The following MYO1D variants were observed in gnomAD, a reference collection of about 807,000 sequenced individuals.
MYO1D encodes the protein unconventional myosin-Id.
MYO1D carries 83 observed loss-of-function variants against 122.0 expected under a neutral mutation model. The observed-to-expected ratio is 0.68, with a 90% CI of 0.57 to 0.82. The LOEUF (loss-of-function observed/expected upper bound fraction) is 0.82, where lower values mean the gene tolerates loss of function less well. Among genes scored for constraint, MYO1D ranks in the 40% least tolerant of loss-of-function variants. The pLI is 0.00. For missense variants in MYO1D, 1,157 were observed against 1,269.5 expected, an observed-to-expected ratio of 0.91 and a Z score of 1.35; for synonymous variants, 464 against 446.9, an observed-to-expected ratio of 1.04 and a Z score of -0.48.
At chr17:32,740,795 T>C (rs1238550278) in intron 13 of MYO1D, among the ~76,000 whole-genome samples, 5 of 152,092 alleles carry the variant, frequency 3.3e-5, no homozygotes, top group Non-Finnish European at 7.4e-5. Flanking sequence ...ATTAACAAAA[T>C]AGTTTTCAAC....
rs112508316 is a variant in MYO1D at position 32,599,391 on chromosome 17, A to G, written c.2864+5696T>C. 4.2e-3 allele frequency among the ~76,000 whole-genome samples: 633 copies of G among 152,272 alleles called. 9 individuals are homozygous for G. The highest frequency in any genetic ancestry group is 0.015 in the African/African-American group (614 of 41,544). On this transcript the variant is annotated intron_variant, in intron 21 of 21. Transcript: ENST00000318217. ...ATCTTCAGGCTCCACTTCCAATTCA[A>G]GTTCTCTTGCTATTTCTACCACATC...
intron 1 of MYO1D, among the ~76,000 whole-genome samples, chr17:32,868,460 T>C (rs1022174559): frequency 1.9e-4 from 29 of 152,050 alleles, no homozygotes; most frequent in African/African-American, 6.0e-4. Flanking sequence ...AATTCCCTAG[T>C]TTGCGCCATT....
Position 32,710,171 on chromosome 17 carries a change from A to AAT in MYO1D, c.2121+1815_2121+1816dup, listed in dbSNP as rs764289135. Among the ~76,000 whole-genome samples, 26 of 152,272 alleles carry AAT rather than the reference A, an allele frequency of 1.7e-4. No homozygotes were observed. The South Asian group carries it at 3.1e-3, about 18-fold the overall frequency. ...AGATAAACTAACCCTCTAACACACT[A>AAT]ATATATATAATAAAAGCTGTGTTGC... On this transcript the variant is annotated intron_variant, in intron 16 of 21. Transcript: ENST00000318217.
At chr17:32,756,305 T>C (rs1339146794) in intron 10 of MYO1D, 1 of 225,744 alleles carries the variant, frequency 4.4e-6, no homozygotes, top group Non-Finnish European at 8.8e-6. Flanking sequence ...AGTTGCCTTC[T>C]ACCTGCCAGT....
chr17:32,560,914 G>A (rs2087119280), intron 21 of MYO1D, among the ~76,000 whole-genome samples: 1 of 145,520 alleles, frequency 6.9e-6, no homozygotes, highest in African/African-American at 2.6e-5. Context: ...CACTATGCGT[G>A]GCTTTTTTTT....
At chr17:32,676,489 G>A (rs1401491218) in intron 16 of MYO1D, among the ~76,000 whole-genome samples, 6 of 151,476 alleles carry the variant, frequency 4.0e-5, no homozygotes, top group Admixed American at 3.3e-4. Flanking sequence ...TCCTGGCCAT[G>A]GTTACTGGTT....
intron 1 of MYO1D, among the ~76,000 whole-genome samples, chr17:32,838,316 T>C (rs1429125909): frequency 6.6e-6 from 1 of 152,230 alleles, no homozygotes; most frequent in Non-Finnish European, 1.5e-5. Flanking sequence ...AGATTTATGA[T>C]GCATACCTTA....
At chr17:32,831,682 A>G (rs2090772488) in intron 1 of MYO1D, among the ~76,000 whole-genome samples, 2 of 152,262 alleles carry the variant, frequency 1.3e-5, no homozygotes, top group Admixed American at 1.3e-4. Context: ...GTGTGCTGTT[A>G]AAACAATGTA....
rs547851722 is a variant in MYO1D, at chr17:32,756,690, C to G, written c.1297-1028G>C. ...TAAAAAGCTTCAATAGAATTTTGAA[C>G]AATTTGAAAAAATTCAGTAGAATTT... On this transcript the variant is annotated intron_variant, in intron 10 of 21. Transcript: ENST00000318217. Among the ~76,000 whole-genome samples the G allele has an allele frequency of 3.3e-5, 5 of 151,600 alleles. No homozygotes were observed. The South Asian group carries it at 1.0e-3, about 32-fold the overall frequency.
At chr17:32,874,296 C>CTG (rs1267817706) in intron 1 of MYO1D, among the ~76,000 whole-genome samples, 2 of 48,646 alleles carry the variant, frequency 4.1e-5, no homozygotes, top group South Asian at 5.0e-4. Flanking sequence ...CTTTATCTGT[C>CTG]TCTGTCTCTC....
intron 21 of MYO1D, among the ~76,000 whole-genome samples, chr17:32,502,074 T>C (rs1909335680): frequency 6.6e-6 from 1 of 152,118 alleles, no homozygotes; most frequent in Admixed American, 6.6e-5. Context: ...GTCACAGAAG[T>C]CTTCTTCTGT....
chr17:32,601,171 A>G (rs1597922412), intron 21 of MYO1D, among the ~76,000 whole-genome samples: 1 of 152,116 alleles, frequency 6.6e-6, no homozygotes, highest in East Asian at 1.9e-4. Flanking sequence ...CCTGGCCTCA[A>G]GCAATCCTCC....
At chr17:32,828,566 C>T (rs551645171) in intron 1 of MYO1D, among the ~76,000 whole-genome samples, 28 of 146,952 alleles carry the variant, frequency 1.9e-4, no homozygotes, top group Non-Finnish European at 3.4e-4. Flanking sequence ...CAGGTGTGTA[C>T]GTGAATGAGT....
At chr17:32,525,884 T>C (rs1276062689) in intron 21 of MYO1D, among the ~76,000 whole-genome samples, 2 of 152,172 alleles carry the variant, frequency 1.3e-5, no homozygotes, top group East Asian at 3.9e-4. Flanking sequence ...ACTCCCCACC[T>C]ACCTGCCCTT....
Position 32,654,474 on chromosome 17 carries a change from T to G in MYO1D, c.2490+3A>C, listed in dbSNP as rs2088445393. 6.2e-7 allele frequency: 1 copy of G among 1,609,048 alleles called. No individual in the cohort carries two copies. The highest frequency in any genetic ancestry group is 8.5e-7 in the Non-Finnish European group (1 of 1,177,952). ...AGATTTCACTTTGTTCCCTTGGACT[T>G]ACTGAAGCAAGATAGTTGCCCTCCC... On this transcript the variant is annotated splice_donor_region_variant and intron_variant, in intron 18 of 21. Transcript: ENST00000318217.
intron 18 of MYO1D, among the ~76,000 whole-genome samples, 162 bp from the exon 19 acceptor site, chr17:32,654,109 T>C (rs1487434813): frequency 4.6e-5 from 7 of 152,204 alleles, no homozygotes; most frequent in Non-Finnish European, 1.0e-4. Context: ...TGTTGTAACA[T>C]CAAAGATCCT....
In MYO1D at chr17:32,876,925, G is replaced by C. The variant is rs1419076012; in HGVS notation, c.-53C>G. 3 of 1,215,718 alleles carry C rather than the reference G, an allele frequency of 2.5e-6. No individual in the cohort carries two copies. The allele number at this position is 1,215,718 out of a possible 1,614,324, so 75.3% of individuals were successfully genotyped here. On this transcript the variant is annotated 5_prime_UTR_variant, in exon 1 of 22. Transcript: ENST00000318217. ...GCGCTCGGGCCTCCGGGGCCGCTCC[G>C]TGGGCCCGCGATGAGCTCGGGAGGG...
intron 21 of MYO1D, among the ~76,000 whole-genome samples, chr17:32,519,904 A>ATTTTT (rs1567875123): frequency 0.015 from 2,001 of 132,414 alleles, 40 homozygotes; most frequent in African/African-American, 0.046. Context: ...TTTTTTTTAA[A>ATTTTT]AAAAAAAACC....
chr17:32,623,224 T>C (rs1043545279), intron 20 of MYO1D, among the ~76,000 whole-genome samples: 13 of 152,210 alleles, frequency 8.5e-5, no homozygotes, highest in African/African-American at 2.7e-4. Context: ...AGGTCTATGC[T>C]TAGATATGGT....
Sources: allele counts gnomAD v4.1 joint callset (sites outside exome capture counted in the v4.1 genomes callset), GRCh38; gene constraint gnomAD v4.1.1; transcripts MANE v1.5; gene names NCBI Gene and HGNC (gene_info 2026-07-23, HGNC 2026-07-21).